USP11: variants seen among roughly 807,000 people sequenced by gnomAD.
USP11 encodes the protein ubiquitin specific peptidase 11.
Under a neutral mutation model 72.8 loss-of-function variants are expected in USP11, and 5 were observed. That is an observed-to-expected ratio of 0.07 (90% CI 0.04 to 0.14). The LOEUF (loss-of-function observed/expected upper bound fraction) is 0.14, where lower values mean the gene tolerates loss of function less well. Among genes scored for constraint, USP11 ranks in the 10% least tolerant of loss-of-function variants. The pLI is 1.00. For missense variants in USP11, 480 were observed against 794.7 expected (o/e 0.60, Z 4.76); for synonymous variants, 368 against 326.5 (o/e 1.13, Z -1.37).
chrX:47,242,310 T>A lies in USP11; in HGVS notation c.1404+4T>A. 4.1e-6 allele frequency: 5 copies of A among 1,209,847 alleles called. No individual in the cohort carries two copies. The highest frequency in any genetic ancestry group is 4.5e-6 in the Non-Finnish European group (4 of 894,010). The stretch of plus-strand genomic sequence containing the variant: ...TCCGCGCCGCAAGCCAGAGCAGGTG[T>A]GGGGCAGTGGGGGCCTGGGGAGATG... On this transcript the variant is annotated splice_donor_region_variant and intron_variant, in intron 10 of 20. Transcript: ENST00000377107.
rs766658033 is a variant in USP11 at position 47,247,339 on chromosome X, A to G, written c.2456A>G (p.Gln819Arg). ...TTCTCTGAGTTTGTCATCCAGCCACAGAATGAGTCGAATCCGGAGCTGTAC... is the reference window on the plus strand; with the variant it reads ...TTCTCTGAGTTTGTCATCCAGCCACGGAATGAGTCGAATCCGGAGCTGTAC... The part of the protein sequence containing the change: ...LDFSEFVIQP[Q>R]NESNPELYKY... Residue 819 changes from glutamine (Q) to arginine (R), a missense_variant, in exon 19 of 21, where the codon CAG (glutamine) becomes CGG (arginine). Physicochemically the swap from Gln to Arg is conservative, Grantham distance 43. Around this residue, in one of 5 missense-constraint regions of USP11, gnomAD observed 314 missense variants for 556.0 expected, o/e 0.56. Transcript: ENST00000377107. 18 of 1,209,739 alleles carry G rather than the reference A, an allele frequency of 1.5e-5. No homozygotes were observed. The highest frequency in any genetic ancestry group is 2.0e-5 in the Non-Finnish European group (18 of 895,187).
chrX:47,238,432 C>A (rs1390767130), intron 1 of USP11, among the ~76,000 whole-genome samples: 1 of 108,091 alleles, frequency 9.3e-6, no homozygotes, highest in Admixed American at 9.8e-5. Flanking sequence ...AGGTGATCCA[C>A]CCGTCTTGAC....
chrX:47,233,426 A>G, intron 1 of USP11: 2 of 1,071,804 alleles, frequency 1.9e-6, no homozygotes, highest in South Asian at 5.0e-5. Flanking sequence ...TGTGTGGTGC[A>G]GTCTGACGCC....
In USP11 at chrX:47,233,393, A is replaced by G. The variant is rs1045236272; in HGVS notation, c.176+174A>G. On this transcript the variant is annotated intron_variant, in intron 1 of 20. Transcript: ENST00000377107. ...GGGAAGTGCCTTTGAATGAATCGCAACGTCTGGAAAAGGGGCGGGGCCTGT... is the reference window on the plus strand; with the variant it reads ...GGGAAGTGCCTTTGAATGAATCGCAGCGTCTGGAAAAGGGGCGGGGCCTGT... 4.6e-6 allele frequency: 5 copies of G among 1,076,746 alleles called. No homozygotes were observed. The East Asian group carries it at 1.7e-4, about 36-fold the overall frequency. 88.7% of individuals were successfully genotyped at this position (1,076,746 alleles called of 1,213,427 possible). A position where few individuals can be genotyped will look rare whatever the true frequency, so the allele number is the denominator to read the frequency against.
In USP11 at chrX:47,244,548, A is replaced by G. The variant is rs2055421637; in HGVS notation, c.1841A>G (p.Lys614Arg). The change falls in exon 14 of 21, where the codon AAA becomes AGA. Residue 614 changes from lysine (K) to arginine (R), a missense_variant and splice_region_variant. By Grantham distance (26) the Lys-to-Arg change is conservative. This residue lies in a region of USP11 where 314 missense variants were observed against 556.0 expected (regional missense o/e 0.56). Transcript: ENST00000377107. ...NSDDEDDGDE[K>R]EDDEEDKDDV... ...GATGATGAGGACGATGGGGATGAGAAAGGTGAGGGGGCTAACAGTCAGTGG... is the reference window on the plus strand; with the variant it reads ...GATGATGAGGACGATGGGGATGAGAGAGGTGAGGGGGCTAACAGTCAGTGG... The G allele has an allele frequency of 7.4e-6, 9 of 1,211,171 alleles. No homozygotes were observed. The South Asian group carries it at 1.1e-4, about 14-fold the overall frequency.
At position 47,237,786 on chromosome X, in the gene USP11, ATGTGTGTGTGTGTGTG is replaced by A. The variant is rs763902030; in HGVS notation, c.177-1258_177-1243del. Among the ~76,000 whole-genome samples the A allele has an allele frequency of 5.5e-3, 210 of 38,370 alleles. 1 individual carries two copies. The highest frequency in any genetic ancestry group is 0.016 in the Non-Finnish European group (173 of 11,022). The allele number at this position is 38,370 out of a possible 115,157, so 33.3% of individuals were successfully genotyped here. ...GCCACAGCAGAACAGGTGTGTGTGT[ATGTGTGTGTGTGTGTG>A]TGTGTGTGTGTGTGTGTGTGTGTGT... On this transcript the variant is annotated intron_variant, in intron 1 of 20. Coordinates refer to ENST00000377107, the MANE Select transcript of USP11 (RefSeq NM_001371072.1).
chrX:47,245,544 C>CTTT (rs749492953), intron 17 of USP11, 62 bp downstream of exon 17: 26 of 541,186 alleles, frequency 4.8e-5, no homozygotes, highest in African/African-American at 1.1e-4. Flanking sequence ...CTATATTTAG[C>CTTT]TTTTTTTTTT....
chrX:47,244,378 A>G (rs1466486665), intron 13 of USP11, 120 bp from the exon 14 acceptor site: 8 of 831,194 alleles, frequency 9.6e-6, no homozygotes, highest in Non-Finnish European at 1.2e-5. Flanking sequence ...CTCACACCTC[A>G]GATTCAGAAC....
Position 47,240,894 on chromosome X carries a change from G to A in USP11, c.846+18G>A. The A allele has an allele frequency of 8.4e-7, 1 of 1,195,481 alleles. No homozygotes were observed. The highest frequency in any genetic ancestry group is 1.1e-6 in the Non-Finnish European group (1 of 884,570). Reference sequence around the variant, plus strand: ...CCCTGCAGGTTGGGCCATTATAGTTGTGTCTGGCACAGCCACGTGGTTGGG... The same window carrying A: ...CCCTGCAGGTTGGGCCATTATAGTTATGTCTGGCACAGCCACGTGGTTGGG... On this transcript the variant is annotated intron_variant, in intron 7 of 20. Transcript: ENST00000377107.
In USP11 at chrX:47,245,451, A is replaced by G; in HGVS notation, c.2239A>G (p.Thr747Ala). 1 of 1,209,097 alleles carries G rather than the reference A, an allele frequency of 8.3e-7. No individual in the cohort carries two copies. Among genetic ancestry groups the G allele is most frequent in the Non-Finnish European group, 1.1e-6 (1 of 893,533 alleles). The change falls in exon 17 of 21, where the codon ACT (threonine) becomes GCT (alanine). Residue 747 changes from threonine to alanine, a missense_variant. Thr to Ala is a moderately conservative substitution (Grantham distance 58, BLOSUM62 0). This residue lies in a region of USP11 where 314 missense variants were observed against 556.0 expected (regional missense o/e 0.56). Transcript: ENST00000377107. ...RLQECIELFTTVETLEKENPW... is the reference protein window; with the variant it reads ...RLQECIELFTAVETLEKENPW... ...GCAGGAGTGCATTGAGCTCTTCACC[A>G]CTGTGGAGACCCTGGAGAAGGAAAA...
chrX:47,238,179 A>G (rs2055383520), intron 1 of USP11, among the ~76,000 whole-genome samples: 1 of 107,486 alleles, frequency 9.3e-6, no homozygotes, highest in African/African-American at 3.4e-5. Context: ...CAATAGCAAT[A>G]TGCAGTTCTT....
chrX:47,235,929 T>C (rs938547790), intron 1 of USP11, among the ~76,000 whole-genome samples: 2 of 112,084 alleles, frequency 1.8e-5, no homozygotes, highest in Admixed American at 9.5e-5. Flanking sequence ...GAGGCTTTGA[T>C]CCTTGCCTCT....
chrX:47,246,235 A>G (rs2055432288), intron 17 of USP11, among the ~76,000 whole-genome samples: 1 of 112,307 alleles, frequency 8.9e-6, no homozygotes, highest in African/African-American at 3.2e-5. Flanking sequence ...GAGGGTGAAG[A>G]CTTAAGTTCA....
In USP11 at chrX:47,242,715, C is replaced by T. The variant is rs1048296782; in HGVS notation, c.1578C>T (p.Ile526=). 1.7e-6 allele frequency: 2 copies of T among 1,200,295 alleles called. No homozygotes were observed. The highest frequency in any genetic ancestry group is 3.5e-5 in the African/African-American group (2 of 57,124). The change falls in exon 12 of 21, where the codon ATC becomes ATT. Residue 526 remains isoleucine (I), a synonymous_variant. Coordinates refer to ENST00000377107, the MANE Select transcript of USP11 (RefSeq NM_001371072.1). ...PLSSILDRDD[I]FVYEVSGRIE... is the part of the protein sequence containing the mutation. The stretch of plus-strand genomic sequence containing the variant: ...GCAGCATCTTGGACCGTGATGATAT[C>T]TTCGTGTGAGTGGGGATGGCAGGGA...
chrX:47,247,008 G>A (rs182592046), intron 17 of USP11, 64 bp from the exon 18 acceptor site: 137 of 1,123,624 alleles, frequency 1.2e-4, no homozygotes, highest in East Asian at 5.6e-4. Context: ...GCAACAGAGC[G>A]ATTCTCTGTC....
intron 14 of USP11, 64 bp downstream of exon 14, chrX:47,244,614 C>T: frequency 8.3e-7 from 1 of 1,206,365 alleles, no homozygotes; most frequent in South Asian, 1.8e-5. Context: ...TAGGGTTCGT[C>T]TAGGTGTGCA....
chrX:47,243,976 T>C (rs779806147), intron 13 of USP11, among the ~76,000 whole-genome samples: 1 of 111,729 alleles, frequency 9.0e-6, no homozygotes, highest in African/African-American at 3.3e-5. Context: ...GTTATCAGAA[T>C]TCTCCCCCCT....
At position 47,247,725 on chromosome X, in the gene USP11, C is replaced by G. The variant is rs760506375; in HGVS notation, c.2625+26C>G. On this transcript the variant is annotated intron_variant, in intron 20 of 20. Coordinates refer to ENST00000377107, the MANE Select transcript of USP11 (RefSeq NM_001371072.1). ...GTGTGACTTCCATCCTACCTCCTCC[C>G]CTTCTTCCTTTCTGATTCCACCTCC... The G allele has an allele frequency of 4.1e-6, 5 of 1,207,299 alleles. No homozygotes were observed. In the African/African-American group the frequency reaches 7.1e-5, roughly 17 times the overall value.
chrX:47,241,660 G>A lies in USP11; in HGVS notation c.1140G>A (p.Glu380=). The change falls in exon 9 of 21, where the codon GAG becomes GAA. Residue 380 remains glutamate (E), a synonymous_variant. Transcript: ENST00000377107. ...HEDLNRVKKK[E]YVELCDAAGR... The stretch of plus-strand genomic sequence containing the variant: ...ACCTTAATCGGGTGAAGAAGAAGGA[G>A]TATGTGGAGCTGTGCGATGCTGCTG... 8.3e-7 allele frequency: 1 copy of A among 1,209,389 alleles called. No individual in the cohort carries two copies. Among genetic ancestry groups the A allele is most frequent in the Admixed American group, 2.2e-5 (1 of 45,708 alleles).
Sources: gnomAD v4.1 joint callset for allele counts (sites outside exome capture counted in the v4.1 genomes callset) on GRCh38, gnomAD v4.1.1 for gene constraint, gnomAD v4.1.1 regional missense constraint, MANE v1.5 for transcripts, NCBI Gene and HGNC (gene_info 2026-07-23, HGNC 2026-07-21) for gene names.